Variants in GALK2 observed in about 807,000 individuals in gnomAD.
The protein encoded by GALK2 is galactokinase 2.
In GALK2, 36 loss-of-function variants were observed where a neutral mutation model predicts 52.4. The observed-to-expected ratio is 0.69, with a 90% CI of 0.53 to 0.91. The LOEUF (loss-of-function observed/expected upper bound fraction) is 0.91. Among genes scored for constraint, GALK2 ranks in the 40% least tolerant of loss-of-function variants. GALK2 has a pLI of 0.00. For missense variants in GALK2, 579 were observed against 559.1 expected (o/e 1.04, Z -0.36); for synonymous variants, 176 against 199.1 (o/e 0.88, Z 0.98).
At chr15:49,280,150 T>G (rs2032477105) in intron 5 of GALK2, among the ~76,000 whole-genome samples, 1 of 152,152 alleles carries the variant, frequency 6.6e-6, no homozygotes, top group South Asian at 2.1e-4. Context: ...GATAGAAACA[T>G]GAAACAATTA....
intron 5 of GALK2, among the ~76,000 whole-genome samples, chr15:49,258,952 G>C (rs1014805253): frequency 3.3e-5 from 5 of 151,398 alleles, no homozygotes; most frequent in African/African-American, 1.2e-4. Context: ...GTCTTCTTTT[G>C]AGAAGTGTCA....
intron 1 of GALK2, among the ~76,000 whole-genome samples, chr15:49,189,015 G>T (rs2086548134): frequency 6.6e-6 from 1 of 152,148 alleles, no homozygotes; most frequent in African/African-American, 2.4e-5. Context: ...AAACAGAGGG[G>T]ACTTCCTTAC....
At position 49,255,011 on chromosome 15, in the gene GALK2, C is replaced by A. The variant is rs146526517; in HGVS notation, c.504+15644C>A. On this transcript the variant is annotated intron_variant, in intron 5 of 9. Coordinates refer to ENST00000560031, the MANE Select transcript of GALK2 (RefSeq NM_002044.4). ...CTTTCTCTCTACTTTTTTTTCTGAG[C>A]CATTTGGGAATTAATTGCGGACATC... Among the ~76,000 whole-genome samples, 404 of 143,296 alleles carry A rather than the reference C, an allele frequency of 2.8e-3. 64 individuals are homozygous for A. The highest frequency in any genetic ancestry group is 4.6e-3 in the Admixed American group (65 of 14,202). The allele number at this position is 143,296 out of a possible 152,430, so 94.0% of individuals were successfully genotyped here. A position where few individuals can be genotyped will look rare whatever the true frequency, so the allele number is the denominator to read the frequency against.
intron 8 of GALK2, among the ~76,000 whole-genome samples, chr15:49,313,169 A>G (rs1477851576): frequency 6.6e-6 from 1 of 152,202 alleles, no homozygotes; most frequent in Non-Finnish European, 1.5e-5. Flanking sequence ...CTAGACAGTA[A>G]TGCAGATCCA....
exon 4 of GALK2, chr15:49,367,633 G>C (rs778236216): frequency 2.6e-6 from 4 of 1,529,406 alleles, no homozygotes; most frequent in Non-Finnish European, 3.5e-6. Context: ...AAATAATCAA[G>C]ACAACGATTA....
chr15:49,352,929 T>C (rs1231175572), intron 3 of GALK2, among the ~76,000 whole-genome samples: 3 of 152,342 alleles, frequency 2.0e-5, no homozygotes, highest in South Asian at 4.1e-4. Flanking sequence ...TGTTCTGTCT[T>C]ACTGCAGTGT....
chr15:49,196,971 G>A (rs2087288788), intron 1 of GALK2, among the ~76,000 whole-genome samples: 1 of 152,180 alleles, frequency 6.6e-6, no homozygotes, highest in Non-Finnish European at 1.5e-5. Context: ...GCATGCCTCT[G>A]TAGTTCTGCT....
intron 3 of GALK2, among the ~76,000 whole-genome samples, chr15:49,228,660 G>T (rs1416119261): frequency 3.5e-4 from 5 of 14,230 alleles, no homozygotes; most frequent in Admixed American, 1.3e-3. Flanking sequence ...GTCTTTCACT[G>T]ATATATATAT....
At chr15:49,323,014 A>G (rs1260739073) in intron 9 of GALK2, among the ~76,000 whole-genome samples, 1 of 151,990 alleles carries the variant, frequency 6.6e-6, no homozygotes, top group Non-Finnish European at 1.5e-5. Flanking sequence ...TAATGAGGCA[A>G]GAAGGAGGGG....
At chr15:49,161,253 T>A (rs1049182085) in intron 1 of GALK2, among the ~76,000 whole-genome samples, 10 of 152,344 alleles carry the variant, frequency 6.6e-5, no homozygotes, top group African/African-American at 2.4e-4. Context: ...TCCTTGGCCA[T>A]GACCAAATTT....
At chr15:49,237,380 A>T (rs1566966320) in intron 4 of GALK2, among the ~76,000 whole-genome samples, 2 of 152,202 alleles carry the variant, frequency 1.3e-5, no homozygotes, top group Non-Finnish European at 2.9e-5. Context: ...GCTATTACAG[A>T]ATGTGGCATA....
In GALK2 at chr15:49,329,363, A is replaced by AAAT. The variant is rs2038154031; in HGVS notation, c.*1206_*1208dup. On this transcript the variant is annotated 3_prime_UTR_variant, in exon 10 of 10. Coordinates refer to ENST00000560031, the MANE Select transcript of GALK2 (RefSeq NM_002044.4). Reference sequence around the variant, plus strand: ...ATTTGGACCAAAAAGTATTTTGCTGAAATACTCAGGTAATTGAGATAGCAA... The same window carrying AAAT: ...ATTTGGACCAAAAAGTATTTTGCTGAAATAATACTCAGGTAATTGAGATAGCAA... 3.0e-6 allele frequency: 3 copies of AAAT among 985,390 alleles called. No individual in the cohort carries two copies. The highest frequency in any genetic ancestry group is 3.6e-6 in the Non-Finnish European group (3 of 829,890). 61.0% of individuals were successfully genotyped at this position (985,390 alleles called of 1,614,324 possible). A position where few individuals can be genotyped will look rare whatever the true frequency, so the allele number is the denominator to read the frequency against.
chr15:49,280,596 C>G (rs1165057191), intron 5 of GALK2, among the ~76,000 whole-genome samples: 1 of 151,910 alleles, frequency 6.6e-6, no homozygotes. Context: ...TGTTGGCAAC[C>G]AAGCAGGCAA....
rs575580951 is a variant in GALK2 at position 49,262,483 on chromosome 15, G to C, written c.505-19504G>C. Among the ~76,000 whole-genome samples the C allele has an allele frequency of 1.1e-4, 16 of 152,070 alleles. 1 individual carries two copies. The highest frequency in any genetic ancestry group is 3.9e-4 in the African/African-American group (16 of 41,482). ...TTTCTTCTGTATTAGTCTTGCTAGC[G>C]GTCTGTCAATTTTGTTGATCCTTTC... On this transcript the variant is annotated intron_variant, in intron 5 of 9. Coordinates refer to ENST00000560031, the MANE Select transcript of GALK2 (RefSeq NM_002044.4).
chr15:49,158,207 T>C (rs1016716289), intron 1 of GALK2, among the ~76,000 whole-genome samples: 8 of 152,142 alleles, frequency 5.3e-5, no homozygotes, highest in Admixed American at 2.0e-4. Context: ...TGAGGGAAGA[T>C]AGGCATCACT....
chr15:49,241,701 G>T (rs1468826431), intron 5 of GALK2, among the ~76,000 whole-genome samples: 1 of 152,154 alleles, frequency 6.6e-6, no homozygotes, highest in Non-Finnish European at 1.5e-5. Context: ...TTGGAGGAGG[G>T]TGTGAAGTCA....
At chr15:49,359,392 G>GA (rs2043772117) in intron 3 of GALK2, among the ~76,000 whole-genome samples, 1 of 118,344 alleles carries the variant, frequency 8.4e-6, no homozygotes, top group Non-Finnish European at 1.8e-5. Context: ...AAATTTACAA[G>GA]AAAAAAACAA....
At chr15:49,242,800 A>G (rs1285081127) in intron 5 of GALK2, among the ~76,000 whole-genome samples, 1 of 152,180 alleles carries the variant, frequency 6.6e-6, no homozygotes, top group Non-Finnish European at 1.5e-5. Context: ...GAAAATCTAG[A>G]GACTTCTGAT....
intron 3 of GALK2, among the ~76,000 whole-genome samples, chr15:49,221,199 T>C (rs2141402900): frequency 6.6e-6 from 1 of 152,336 alleles, no homozygotes; most frequent in South Asian, 2.1e-4. Context: ...CTAGTAGTTT[T>C]ATAGTTGTGG....
Sources: allele counts gnomAD v4.1 joint callset (sites outside exome capture counted in the v4.1 genomes callset), GRCh38; gene constraint gnomAD v4.1.1; transcripts MANE v1.5; gene names NCBI Gene and HGNC (gene_info 2026-07-23, HGNC 2026-07-21).